Variants in CADPS2 observed in about 807,000 individuals in gnomAD.
CADPS2 encodes calcium dependent secretion activator 2.
CADPS2 carries 93 observed loss-of-function variants against 172.5 expected under a neutral mutation model. The ratio of observed to expected loss-of-function variants is 0.54; its 90% confidence interval spans 0.46 to 0.64. The LOEUF (loss-of-function observed/expected upper bound fraction) is 0.64. Among genes scored for constraint, CADPS2 ranks in the 30% least tolerant of loss-of-function variants. The pLI is 0.00. For synonymous variants in CADPS2, 546 were observed against 555.2 expected (o/e 0.98, Z 0.23); for missense variants, 1,420 against 1,565.9 (o/e 0.91, Z 1.57).
chr7:122,354,455 T>C (rs923802703), intron 27 of CADPS2: 68 of 152,170 alleles, frequency 4.5e-4, no homozygotes, highest in African/African-American at 1.5e-3. Flanking sequence ...CATAGATCTA[T>C]ATACCTGATT....
intron 1 of CADPS2, among the ~76,000 whole-genome samples, chr7:122,828,585 G>A (rs1052320885): frequency 2.0e-5 from 3 of 152,006 alleles, no homozygotes; most frequent in South Asian, 2.1e-4. Context: ...TAAAAGTCAC[G>A]GAGACAAGTT....
intron 11 of CADPS2, among the ~76,000 whole-genome samples, chr7:122,482,532 A>G (rs570487972): frequency 3.3e-5 from 5 of 152,350 alleles, no homozygotes; most frequent in African/African-American, 9.6e-5. Context: ...TCATGATGGC[A>G]TAATTGAGAA....
chr7:122,533,390 A>G (rs1245277813), intron 8 of CADPS2, among the ~76,000 whole-genome samples: 2 of 152,032 alleles, frequency 1.3e-5, no homozygotes, highest in Non-Finnish European at 2.9e-5. Context: ...TTTTATATCC[A>G]TTTCTTTATC....
intron 29 of CADPS2, among the ~76,000 whole-genome samples, chr7:122,321,482 CTTTT>C (rs2032501966): frequency 6.6e-6 from 1 of 151,784 alleles, no homozygotes; most frequent in Non-Finnish European, 1.5e-5. Flanking sequence ...TTACTTTTTT[CTTTT>C]CTTTTTTTTG....
chr7:122,626,015 C>T (rs1587937140), intron 4 of CADPS2, among the ~76,000 whole-genome samples: 1 of 152,230 alleles, frequency 6.6e-6, no homozygotes, highest in East Asian at 1.9e-4. Flanking sequence ...GGCCAAGACC[C>T]TGTGGCAAGG....
rs560247605 is a variant in CADPS2, at chr7:122,554,337, C to T, written c.1475+213G>A. 5.9e-4 allele frequency among the ~76,000 whole-genome samples: 90 copies of T among 152,102 alleles called. 1 individual carries two copies. Among genetic ancestry groups the T allele is most frequent in the Middle Eastern group, 3.4e-3 (1 of 294 alleles). Reference sequence around the variant, plus strand: ...ATCAAGTTCCAATATCGTGGTAGCTCGCATACAGTTATCTTAACTAAGGAC... The same window carrying T: ...ATCAAGTTCCAATATCGTGGTAGCTTGCATACAGTTATCTTAACTAAGGAC... On this transcript the variant is annotated intron_variant, in intron 8 of 29. Coordinates refer to ENST00000449022, the MANE Select transcript of CADPS2 (RefSeq NM_017954.11).
chr7:122,355,255 T>A (rs1373355111), intron 27 of CADPS2, among the ~76,000 whole-genome samples: 1 of 152,182 alleles, frequency 6.6e-6, no homozygotes, highest in Admixed American at 6.5e-5. Context: ...AGTTGTAATT[T>A]TCACGTTATA....
chr7:122,568,760 C>T (rs2066801191), intron 7 of CADPS2, among the ~76,000 whole-genome samples: 1 of 152,002 alleles, frequency 6.6e-6, no homozygotes, highest in Non-Finnish European at 1.5e-5. Flanking sequence ...GAGGAGAATT[C>T]CAACTTTGGG....
chr7:122,561,682 A>C (rs2065801176), intron 7 of CADPS2, among the ~76,000 whole-genome samples: 1 of 152,150 alleles, frequency 6.6e-6, no homozygotes, highest in South Asian at 2.1e-4. Context: ...AGTATCTTTA[A>C]GACATTTTTT....
At position 122,432,390 on chromosome 7, in the gene CADPS2, G is replaced by C. The variant is rs537601111; in HGVS notation, c.2476+5951C>G. Among the ~76,000 whole-genome samples, 103 of 151,914 alleles carry C rather than the reference G, an allele frequency of 6.8e-4. 1 individual carries two copies. The highest frequency in any genetic ancestry group is 6.5e-4 in the Non-Finnish European group (44 of 67,888). ...CACTGTGGCTCATGCTTGTAATCCC[G>C]GCACTTTGGGAGGCTGAGGCTGGTG... is the stretch of plus-strand genomic sequence containing the variant. On this transcript the variant is annotated intron_variant, in intron 17 of 29. Transcript: ENST00000449022.
intron 1 of CADPS2, among the ~76,000 whole-genome samples, chr7:122,856,916 A>G (rs1815410274): frequency 6.6e-6 from 1 of 152,218 alleles, no homozygotes; most frequent in African/African-American, 2.4e-5. Flanking sequence ...GTTCCAGAGA[A>G]TTATTCAATA....
At chr7:122,868,536 T>C (rs1408438229) in intron 1 of CADPS2, among the ~76,000 whole-genome samples, 1 of 152,108 alleles carries the variant, frequency 6.6e-6, no homozygotes, top group African/African-American at 2.4e-5. Flanking sequence ...AGACAGCAGG[T>C]TGGACAAACA....
intron 13 of CADPS2, among the ~76,000 whole-genome samples, chr7:122,473,226 A>T (rs1196958781): frequency 6.6e-6 from 1 of 152,156 alleles, no homozygotes; most frequent in African/African-American, 2.4e-5. Flanking sequence ...ACTGTGTTCA[A>T]ATAAGGCAAA....
intron 1 of CADPS2, among the ~76,000 whole-genome samples, chr7:122,752,589 A>C (rs1022456034): frequency 2.0e-5 from 3 of 152,220 alleles, no homozygotes; most frequent in African/African-American, 7.2e-5. Context: ...ACCCAAAGAC[A>C]TAGATGTGAT....
intron 1 of CADPS2, among the ~76,000 whole-genome samples, chr7:122,801,240 C>A (rs563443477): frequency 6.6e-6 from 1 of 152,132 alleles, no homozygotes; most frequent in Non-Finnish European, 1.5e-5. Context: ...CAAAATCAGA[C>A]AAAGACAGCA....
intron 25 of CADPS2, among the ~76,000 whole-genome samples, chr7:122,369,025 T>C (rs1028511688): frequency 1.3e-5 from 2 of 151,942 alleles, no homozygotes; most frequent in African/African-American, 4.8e-5. Flanking sequence ...TGGCAATAAA[T>C]ATGACATTTC....
chr7:122,836,418 C>T (rs1388554998), intron 1 of CADPS2, among the ~76,000 whole-genome samples: 2 of 151,916 alleles, frequency 1.3e-5, no homozygotes, highest in African/African-American at 2.4e-5. Flanking sequence ...GGATCAAATT[C>T]ACACATAACA....
intron 8 of CADPS2, among the ~76,000 whole-genome samples, chr7:122,538,672 T>C (rs1203465335): frequency 2.2e-5 from 3 of 135,116 alleles, no homozygotes; most frequent in Non-Finnish European, 4.7e-5. Flanking sequence ...GGTAAGGAGA[T>C]AGGAAAGTAC....
At chr7:122,574,717 C>T (rs10229793) in intron 7 of CADPS2, among the ~76,000 whole-genome samples, 92,129 of 151,712 alleles carry the variant, frequency 0.61, 28,434 homozygotes, top group African/African-American at 0.73. Context: ...AACACACATA[C>T]GCAAATGCAT....
Sources: allele counts gnomAD v4.1 joint callset (sites outside exome capture counted in the v4.1 genomes callset), GRCh38; gene constraint gnomAD v4.1.1; transcripts MANE v1.5; gene names NCBI Gene and HGNC (gene_info 2026-07-23, HGNC 2026-07-21).